Variants in PMPCB observed in about 807,000 individuals in gnomAD.
PMPCB encodes the protein mitochondrial-processing peptidase subunit beta.
In PMPCB, 46 loss-of-function variants were observed where a neutral mutation model predicts 61.5. The ratio of observed to expected loss-of-function variants is 0.75; its 90% CI spans 0.59 to 0.96. The LOEUF is 0.96. Ranked by LOEUF, PMPCB falls within the 40% of genes least tolerant of loss-of-function variation. The pLI, the probability that PMPCB is intolerant of heterozygous loss-of-function variation, is 0.00. For synonymous variants in PMPCB, 191 were observed against 201.6 expected (o/e 0.95, Z 0.44); for missense variants, 590 against 602.4 (o/e 0.98, Z 0.22).
At chr7:103,333,982 G>A (rs1350631850), downstream of PMPCB, among the ~76,000 whole-genome samples, 1 of 145,884 alleles carries the variant, frequency 6.9e-6, no homozygotes, top group Non-Finnish European at 1.5e-5. Context: ...ACGGAGTCTC[G>A]CTCTGTTGCC....
chr7:103,337,581 G>A, the PMPCB span: 1 of 587,642 alleles, frequency 1.7e-6, no homozygotes, highest in Non-Finnish European at 3.0e-6. Flanking sequence ...CTGAAGGCAG[G>A]GGAGACCGTG....
exon 13 of PMPCB, chr7:103,329,061 A>C: frequency 8.9e-7 from 1 of 1,128,268 alleles, no homozygotes; most frequent in Non-Finnish European, 1.1e-6. Flanking sequence ...AATTATTTAA[A>C]ATTTGTGATT....
the PMPCB span, among the ~76,000 whole-genome samples, chr7:103,338,309 T>C: frequency 3.3e-5 from 5 of 150,966 alleles, no homozygotes; most frequent in Non-Finnish European, 7.4e-5. Context: ...TTTATTTTAT[T>C]TTTTTGAGAC....
chr7:103,309,650 T>G (rs962315516), intron 8 of PMPCB, among the ~76,000 whole-genome samples: 44 of 152,310 alleles, frequency 2.9e-4, no homozygotes, highest in Middle Eastern at 6.8e-3. Context: ...GATTTTGGTA[T>G]CCACAGGGAT....
At chr7:103,304,861 A>C (rs1185281845) in intron 6 of PMPCB, among the ~76,000 whole-genome samples, 3 of 151,996 alleles carry the variant, frequency 2.0e-5, no homozygotes, top group Non-Finnish European at 1.5e-5. Flanking sequence ...CGGGAGGCTG[A>C]GGTAGGAGAA....
downstream of PMPCB, chr7:103,329,543 T>C (rs1388811565): frequency 6.6e-6 from 1 of 152,260 alleles, no homozygotes; most frequent in East Asian, 1.9e-4. Context: ...TAGTTCTAGT[T>C]TCATTAACAT....
At position 103,297,768 on chromosome 7, in the gene PMPCB, G is replaced by A. The variant is rs754515551; in HGVS notation, c.99+210G>A. On this transcript the variant is annotated intron_variant, in intron 1 of 12. Transcript: ENST00000249269. ...CCAGGAGACCTGCTAGTGACGTGTG[G>A]GATGACCCTGGTTTTCGGCTCCTCC... The A allele has an allele frequency of 5.2e-6, 8 of 1,532,440 alleles. No individual in the cohort carries two copies. The African/African-American group carries it at 9.6e-5, about 18-fold the overall frequency. 94.9% of individuals were successfully genotyped at this position (1,532,440 alleles called of 1,614,324 possible). A position where few individuals can be genotyped will look rare whatever the true frequency, so the allele number is the denominator to read the frequency against.
the PMPCB span, chr7:103,344,236 G>A: frequency 2.7e-6 from 1 of 367,244 alleles, no homozygotes; most frequent in African/African-American, 2.1e-5. Flanking sequence ...TCTTTCCACC[G>A]TAGGCAAGGA....
chr7:103,343,027 T>C, the PMPCB span, among the ~76,000 whole-genome samples: 2 of 151,784 alleles, frequency 1.3e-5, no homozygotes, highest in African/African-American at 4.8e-5. Context: ...GAGACGGAGT[T>C]TTGCTCTTGT....
In PMPCB at chr7:103,312,741, T is replaced by A. The variant is rs539852099; in HGVS notation, c.*470T>A. On this transcript the variant is annotated 3_prime_UTR_variant, in exon 13 of 13. Coordinates refer to ENST00000249269, the MANE Select transcript of PMPCB (RefSeq NM_004279.3). ...AAAGAATTCAAGCAACTAAGATAGATAGTACTAAATATACTGATTTCATTA... is the reference window on the plus strand; with the variant it reads ...AAAGAATTCAAGCAACTAAGATAGAAAGTACTAAATATACTGATTTCATTA... The A allele has an allele frequency of 6.5e-7, 1 of 1,547,430 alleles. No individual in the cohort carries two copies. The highest frequency in any genetic ancestry group is 8.7e-7 in the Non-Finnish European group (1 of 1,155,660).
At chr7:103,327,337 T>G in intron 12 of PMPCB, 1 of 1,287,118 alleles carries the variant, frequency 7.8e-7, no homozygotes, top group Non-Finnish European at 1.0e-6. Context: ...CTTACATGAA[T>G]TAACTGTAGG....
At chr7:103,298,890 G>A (rs950581811) in intron 2 of PMPCB, among the ~76,000 whole-genome samples, 182 bp downstream of exon 2, 4 of 152,188 alleles carry the variant, frequency 2.6e-5, no homozygotes, top group Non-Finnish European at 5.9e-5. Context: ...GGGTGCATAT[G>A]TATCCTGTTG....
intron 6 of PMPCB, among the ~76,000 whole-genome samples, chr7:103,306,208 T>C (rs1373862701): frequency 6.6e-6 from 1 of 152,164 alleles, no homozygotes; most frequent in Non-Finnish European, 1.5e-5. Flanking sequence ...TTTTGTATCC[T>C]AGCTTCATTT....
chr7:103,305,035 C>T (rs1042792873), intron 6 of PMPCB, among the ~76,000 whole-genome samples: 4 of 151,962 alleles, frequency 2.6e-5, no homozygotes, highest in East Asian at 1.9e-4. Context: ...CATAGTAGAA[C>T]GTGCAAGAAA....
chr7:103,336,324 G>C, the PMPCB span: 1 of 152,236 alleles, frequency 6.6e-6, no homozygotes, highest in East Asian at 1.9e-4. Context: ...TCTGTACTAA[G>C]ACATATTTGG....
chr7:103,298,542 C>T (rs964653417), intron 1 of PMPCB, 26 bp from the exon 2 acceptor site: 6 of 1,609,588 alleles, frequency 3.7e-6, no homozygotes, highest in East Asian at 4.5e-5. Context: ...TTTGCTTTGT[C>T]TCTTCCACTT....
downstream of PMPCB, chr7:103,314,783 C>A: frequency 2.9e-6 from 1 of 343,170 alleles, no homozygotes; most frequent in Non-Finnish European, 4.1e-6. Context: ...GGATAATAAG[C>A]AAGATTAAAG....
chr7:103,304,883 C>T (rs1817537328), intron 6 of PMPCB, among the ~76,000 whole-genome samples: 1 of 151,788 alleles, frequency 6.6e-6, no homozygotes, highest in Non-Finnish European at 1.5e-5. Context: ...TGCTTGAACC[C>T]AGGAGGCGGA....
In PMPCB at chr7:103,310,445, C is replaced by G; in HGVS notation, c.1124C>G (p.Ala375Gly). 6.2e-7 allele frequency: 1 copy of G among 1,612,088 alleles called. No homozygotes were observed. The change falls in exon 9 of 13, where the codon GCA becomes GGA. Residue 375 changes from alanine to glycine, a missense_variant. By Grantham distance (60) the Ala-to-Gly change is moderately conservative. Coordinates refer to ENST00000249269, the MANE Select transcript of PMPCB (RefSeq NM_004279.3). ...ATGGTTTGTGAATCATCCACTGTTG[C>G]AGACATGCTACATGTTGTTCAAAAA... Reference protein sequence around the residue: ...LYMVCESSTVADMLHVVQKEW... With the variant: ...LYMVCESSTVGDMLHVVQKEW...
Sources: allele counts gnomAD v4.1 joint callset (sites outside exome capture counted in the v4.1 genomes callset), GRCh38; gene constraint gnomAD v4.1.1; transcripts MANE v1.5; gene names NCBI Gene and HGNC (gene_info 2026-07-23, HGNC 2026-07-21).